MYO1B: variants seen among roughly 807,000 people sequenced by gnomAD.
The protein encoded by MYO1B is myosin IB.
MYO1B carries 72 observed loss-of-function variants against 159.7 expected under a neutral mutation model. The ratio of observed to expected loss-of-function variants is 0.45; its 90% CI spans 0.37 to 0.55. MYO1B has a LOEUF of 0.55. Ranked by LOEUF, MYO1B falls within the 20% of genes least tolerant of loss-of-function variation. The pLI, the probability that MYO1B is intolerant of heterozygous loss-of-function variation, is 0.00. For missense variants in MYO1B, 1,062 were observed against 1,364.8 expected (o/e 0.78, Z 3.50); for synonymous variants, 468 against 473.8 (o/e 0.99, Z 0.16).
At chr2:191,378,677 A>G (rs1195059187) in intron 13 of MYO1B, among the ~76,000 whole-genome samples, 1 of 152,136 alleles carries the variant, frequency 6.6e-6, no homozygotes, top group Non-Finnish European at 1.5e-5. Flanking sequence ...CTGTCTTCTT[A>G]TATTGATAAG....
intron 2 of MYO1B, among the ~76,000 whole-genome samples, chr2:191,285,131 C>G (rs1574337506): frequency 6.6e-6 from 1 of 152,152 alleles, no homozygotes; most frequent in African/African-American, 2.4e-5. Context: ...TAATACAGGA[C>G]CACAGGACCA....
intron 21 of MYO1B, among the ~76,000 whole-genome samples, chr2:191,397,785 C>G (rs1696229924): frequency 6.9e-6 from 1 of 145,252 alleles, no homozygotes; most frequent in African/African-American, 2.6e-5. Flanking sequence ...AGAAGCGCCC[C>G]TCACCTCCCG....
In MYO1B at chr2:191,387,473, T is replaced by G. The variant is rs550369169; in HGVS notation, c.1781+23T>G. On this transcript the variant is annotated intron_variant, in intron 17 of 30. Coordinates refer to ENST00000392318, the MANE Select transcript of MYO1B (RefSeq NM_001130158.3). ...TAGGTATTTTTGGCACATGAAACTT[T>G]CACAGTTCAAATGTGAGAGCACCCC... The G allele has an allele frequency of 3.3e-4, 536 of 1,602,302 alleles. 9 individuals are homozygous for G. The South Asian group carries it at 5.5e-3, about 16-fold the overall frequency.
At chr2:191,409,263 A>G (rs983561124) in intron 26 of MYO1B, 85 bp downstream of exon 26, 2 of 1,397,548 alleles carry the variant, frequency 1.4e-6, no homozygotes, top group Non-Finnish European at 2.0e-6. Context: ...AACTGTTAAC[A>G]CATTCTTCCT....
At chr2:191,340,576 C>T (rs1048149318) in intron 4 of MYO1B, among the ~76,000 whole-genome samples, 2 of 152,094 alleles carry the variant, frequency 1.3e-5, no homozygotes, top group South Asian at 2.1e-4. Flanking sequence ...GCTTTAGTAA[C>T]GGGGTTACTA....
chr2:191,280,753 G>C (rs990112710), intron 2 of MYO1B, among the ~76,000 whole-genome samples: 2 of 152,212 alleles, frequency 1.3e-5, no homozygotes, highest in Admixed American at 6.5e-5. Context: ...ACACTAAGAA[G>C]AGAAAAGGGG....
chr2:191,247,298 C>T (rs1222917219), intron 1 of MYO1B, among the ~76,000 whole-genome samples: 1 of 152,152 alleles, frequency 6.6e-6, no homozygotes, highest in Non-Finnish European at 1.5e-5. Context: ...GCCATTAAAC[C>T]ACCCCTTTGG....
At chr2:191,345,158 T>A (rs1354956958) in intron 5 of MYO1B, among the ~76,000 whole-genome samples, 2 of 152,132 alleles carry the variant, frequency 1.3e-5, no homozygotes, top group African/African-American at 4.8e-5. Flanking sequence ...GGCCCCTGGA[T>A]CCCAGTAACA....
At chr2:191,330,988 G>A (rs910864573) in intron 4 of MYO1B, among the ~76,000 whole-genome samples, 3 of 152,162 alleles carry the variant, frequency 2.0e-5, no homozygotes, top group African/African-American at 7.2e-5. Context: ...TTATTCACAA[G>A]CTCTTAGAAA....
chr2:191,355,122 A>G lies in MYO1B; in HGVS notation c.562+4897A>G, dbSNP rs907098090. On this transcript the variant is annotated intron_variant, in intron 7 of 30. Transcript: ENST00000392318. Reference sequence around the variant, plus strand: ...ATCTTGGGAATTCACTATCACCATCATGTGAATGAGCTTGGGTTAGCTGCT... The same window carrying G: ...ATCTTGGGAATTCACTATCACCATCGTGTGAATGAGCTTGGGTTAGCTGCT... Among the ~76,000 whole-genome samples, 5 of 152,206 alleles carry G rather than the reference A, an allele frequency of 3.3e-5. No individual in the cohort carries two copies. The East Asian group carries it at 9.6e-4, about 29-fold the overall frequency.
chr2:191,295,638 C>T (rs1334259311), intron 2 of MYO1B, among the ~76,000 whole-genome samples: 1 of 151,994 alleles, frequency 6.6e-6, no homozygotes, highest in South Asian at 2.1e-4. Context: ...TTGCAGAGGG[C>T]CAGTGCCAAA....
chr2:191,339,961 A>C (rs1692107129), intron 4 of MYO1B, among the ~76,000 whole-genome samples: 1 of 152,154 alleles, frequency 6.6e-6, no homozygotes, highest in Non-Finnish European at 1.5e-5. Flanking sequence ...TGAGACAGTT[A>C]AGATTGCCTC....
At chr2:191,418,601 TG>T (rs1297312195) in intron 30 of MYO1B, among the ~76,000 whole-genome samples, 1 of 150,472 alleles carries the variant, frequency 6.6e-6, no homozygotes, top group Admixed American at 6.7e-5. Flanking sequence ...GGGATTATTC[TG>T]CCTCAGCCTC....
intron 8 of MYO1B, among the ~76,000 whole-genome samples, chr2:191,361,522 A>G (rs2126011829): frequency 6.6e-6 from 1 of 151,918 alleles, no homozygotes; most frequent in African/African-American, 2.4e-5. Context: ...AGGAAAAGTC[A>G]TCTTCACTAA....
intron 6 of MYO1B, 40 bp from the exon 7 acceptor site, chr2:191,350,122 T>G: frequency 2.6e-6 from 4 of 1,538,944 alleles, no homozygotes; most frequent in Non-Finnish European, 3.6e-6. Context: ...GTTAACATTT[T>G]GAGATGAACT....
chr2:191,298,531 C>T (rs1689118734), intron 3 of MYO1B, among the ~76,000 whole-genome samples: 1 of 152,154 alleles, frequency 6.6e-6, no homozygotes, highest in Admixed American at 6.5e-5. Flanking sequence ...CAGGAATCTA[C>T]ATTTTTCACA....
chr2:191,400,140 A>G (rs1057249116), intron 21 of MYO1B, among the ~76,000 whole-genome samples: 2 of 152,050 alleles, frequency 1.3e-5, no homozygotes, highest in South Asian at 4.1e-4. Flanking sequence ...GATTTTTCCC[A>G]TTGTGTATCA....
chr2:191,332,969 A>C (rs942972534), intron 4 of MYO1B, among the ~76,000 whole-genome samples: 1 of 152,210 alleles, frequency 6.6e-6, no homozygotes, highest in African/African-American at 2.4e-5. Flanking sequence ...TAGTCAGTAC[A>C]TATTTAAATA....
At chr2:191,268,213 T>A (rs2125711480) in intron 1 of MYO1B, among the ~76,000 whole-genome samples, 1 of 152,176 alleles carries the variant, frequency 6.6e-6, no homozygotes, top group African/African-American at 2.4e-5. Context: ...GGCTGCGGAG[T>A]GGGAGATCAA....
Sources: gnomAD v4.1 joint callset for allele counts (sites outside exome capture counted in the v4.1 genomes callset) on GRCh38, gnomAD v4.1.1 for gene constraint, MANE v1.5 for transcripts, NCBI Gene and HGNC (gene_info 2026-07-23, HGNC 2026-07-21) for gene names.